ARB2A: variants seen among roughly 807,000 people sequenced by gnomAD.
The protein encoded by ARB2A is ARB2 cotranscriptional regulator A, also known as cotranscriptional regulator ARB2A.
chr5:93,934,228 C>T, the ARB2A span, among the ~76,000 whole-genome samples: 1 of 151,958 alleles, frequency 6.6e-6, no homozygotes, highest in South Asian at 2.1e-4. Flanking sequence ...AAATACTTTC[C>T]CCCATACACA....
the ARB2A span, chr5:93,866,326 G>A: frequency 1.0e-6 from 1 of 970,904 alleles, no homozygotes; most frequent in Middle Eastern, 5.3e-4. Flanking sequence ...CTTCCCCTTA[G>A]TTCTTAAAAT....
At chr5:93,885,438 GA>G in the ARB2A span, among the ~76,000 whole-genome samples, 1 of 151,312 alleles carries the variant, frequency 6.6e-6, no homozygotes, top group African/African-American at 2.4e-5. Context: ...AATATACATC[GA>G]AACCCTTTCT....
chr5:93,671,364 AAAG>A, the ARB2A span, among the ~76,000 whole-genome samples: 1 of 152,154 alleles, frequency 6.6e-6, no homozygotes, highest in Admixed American at 6.5e-5. Context: ...AGTAAAGAAT[AAAG>A]ATAAAAGCCC....
At chr5:93,940,594 A>G in the ARB2A span, among the ~76,000 whole-genome samples, 3 of 152,056 alleles carry the variant, frequency 2.0e-5, no homozygotes, top group African/African-American at 4.8e-5. Flanking sequence ...GAATAAAATC[A>G]AACAATATCA....
At chr5:94,056,808 G>T in the ARB2A span, among the ~76,000 whole-genome samples, 1 of 152,292 alleles carries the variant, frequency 6.6e-6, no homozygotes, top group African/African-American at 2.4e-5. Context: ...TGGTATGATG[G>T]CTAATTTTAT....
chr5:93,631,345 A>G, the ARB2A span, among the ~76,000 whole-genome samples: 1 of 152,088 alleles, frequency 6.6e-6, no homozygotes, highest in Non-Finnish European at 1.5e-5. Flanking sequence ...TGTTATAGAA[A>G]TGTTTTGTTT....
At chr5:93,812,822 A>T in the ARB2A span, among the ~76,000 whole-genome samples, 1 of 152,212 alleles carries the variant, frequency 6.6e-6, no homozygotes. Flanking sequence ...AATGCTCTTT[A>T]ACAAGCTTCT....
At chr5:93,745,677 A>C in the ARB2A span, among the ~76,000 whole-genome samples, 1 of 152,060 alleles carries the variant, frequency 6.6e-6, no homozygotes, top group Non-Finnish European at 1.5e-5. Context: ...CTCCAAAAAA[A>C]AATTTTTTTT....
chr5:93,718,553 T>C, the ARB2A span, among the ~76,000 whole-genome samples: 18 of 152,184 alleles, frequency 1.2e-4, no homozygotes, highest in African/African-American at 4.1e-4. Flanking sequence ...ATGTAATGTA[T>C]GTTAAAGTAG....
chr5:93,775,420 C>A, the ARB2A span, among the ~76,000 whole-genome samples: 1 of 152,200 alleles, frequency 6.6e-6, no homozygotes, highest in Non-Finnish European at 1.5e-5. Flanking sequence ...GCTCACTTGG[C>A]TGAGAACTGT....
chr5:94,070,387 C>T, the ARB2A span, among the ~76,000 whole-genome samples: 3 of 151,904 alleles, frequency 2.0e-5, no homozygotes, highest in South Asian at 6.2e-4. Context: ...TAGAAACATA[C>T]AGTTAGATAG....
the ARB2A span, among the ~76,000 whole-genome samples, chr5:93,804,336 T>G: frequency 6.6e-6 from 1 of 151,960 alleles, no homozygotes; most frequent in Non-Finnish European, 1.5e-5. Context: ...AGTAAACAAC[T>G]GTTCATGCAT....
chr5:94,110,356 T>C, the ARB2A span, among the ~76,000 whole-genome samples: 1 of 152,248 alleles, frequency 6.6e-6, no homozygotes, highest in Non-Finnish European at 1.5e-5. Flanking sequence ...AAATACTTGC[T>C]AAATGGATAA....
At chr5:93,858,079 T>C in the ARB2A span, among the ~76,000 whole-genome samples, 6 of 152,052 alleles carry the variant, frequency 3.9e-5, no homozygotes, top group Admixed American at 3.9e-4. Context: ...TAAGGCAAAA[T>C]CCAGAGGAAA....
the ARB2A span, among the ~76,000 whole-genome samples, chr5:93,969,018 CTTTTTTTT>C: frequency 3.5e-5 from 4 of 113,210 alleles, no homozygotes; most frequent in East Asian, 2.8e-4. Flanking sequence ...GAATTTTTTT[CTTTTTTTT>C]TTTTTTTTTT....
chr5:94,007,544 G>A, the ARB2A span, among the ~76,000 whole-genome samples: 2 of 152,062 alleles, frequency 1.3e-5, no homozygotes, highest in Non-Finnish European at 2.9e-5. Flanking sequence ...AGGCCAAGGC[G>A]GGCAGATCAC....
chr5:93,629,654 T>C, the ARB2A span, among the ~76,000 whole-genome samples: 1 of 152,094 alleles, frequency 6.6e-6, no homozygotes, highest in Non-Finnish European at 1.5e-5. Flanking sequence ...AACCCAAACA[T>C]GTGCCCCTAC....
chr5:93,858,596 C>T, the ARB2A span, among the ~76,000 whole-genome samples: 2 of 152,200 alleles, frequency 1.3e-5, no homozygotes, highest in African/African-American at 2.4e-5. Flanking sequence ...CATCTTAACA[C>T]TGTACTTCTA....
At chr5:93,733,919 C>T in the ARB2A span, 2 of 152,084 alleles carry the variant, frequency 1.3e-5, no homozygotes, top group East Asian at 1.9e-4. Context: ...GTTTAGTAGG[C>T]AAGACTATTT....
Sources: allele counts gnomAD v4.1 joint callset (sites outside exome capture counted in the v4.1 genomes callset), GRCh38; gene constraint gnomAD v4.1.1; transcripts MANE v1.5; gene names NCBI Gene and HGNC (gene_info 2026-07-23, HGNC 2026-07-21).